Variants in ZNF461 observed in about 807,000 individuals in gnomAD.
The protein encoded by ZNF461 is gonadotropin-inducible ovarian transcription factor-1.
A neutral mutation model predicts 18.3 loss-of-function variants in ZNF461; 16 were observed. That is an observed-to-expected ratio of 0.88 (90% CI 0.59 to 1.33). The LOEUF (loss-of-function observed/expected upper bound fraction) is 1.33, where lower values mean the gene tolerates loss of function less well. Ranked by LOEUF, ZNF461 falls within the 40% of genes most tolerant of loss-of-function variation. The pLI is 0.00. For synonymous variants in ZNF461, 179 were observed against 216.9 expected, an observed-to-expected ratio of 0.83 and a Z score of 1.54; for missense variants, 595 against 669.9, an observed-to-expected ratio of 0.89 and a Z score of 1.23.
intron 4 of ZNF461, among the ~76,000 whole-genome samples, chr19:36,655,226 G>A (rs1014630950): frequency 3.9e-5 from 6 of 152,086 alleles, no homozygotes; most frequent in African/African-American, 1.4e-4. Flanking sequence ...AAACTCCTAA[G>A]CTCAAGTAAT....
In ZNF461 at chr19:36,662,127, C is replaced by T. The variant is rs143841812; in HGVS notation, c.9+2571G>A. Among the ~76,000 whole-genome samples, 77 of 152,236 alleles carry T rather than the reference C, an allele frequency of 5.1e-4. 2 individuals carry two copies. Among genetic ancestry groups the T allele is most frequent in the African/African-American group, 1.8e-3 (75 of 41,538 alleles). On this transcript the variant is annotated intron_variant, in intron 2 of 5. Transcript: ENST00000588268. Reference sequence around the variant, plus strand: ...CAGGTGATCCGCCCGCTTCAGCCTCCCAAAATGCAGGGATTACAGGCATGA... The same window carrying T: ...CAGGTGATCCGCCCGCTTCAGCCTCTCAAAATGCAGGGATTACAGGCATGA...
At chr19:36,664,593 CAA>C (rs560561888) in intron 2 of ZNF461, 103 bp downstream of exon 2, 2,748 of 655,580 alleles carry the variant, frequency 4.2e-3, no homozygotes, top group South Asian at 9.7e-3. Context: ...GGCTATGTCT[CAA>C]AAAAAAAAAA....
chr19:36,660,399 C>T (rs1217121792), intron 2 of ZNF461, among the ~76,000 whole-genome samples: 2 of 152,026 alleles, frequency 1.3e-5, no homozygotes, highest in African/African-American at 4.8e-5. Context: ...ATCCACCTGC[C>T]TCAGCCTCCC....
At position 36,639,846 on chromosome 19, in the gene ZNF461, T is replaced by A. The variant is rs765868153; in HGVS notation, c.499A>T (p.Ile167Phe). Residue 167 changes from isoleucine (I) to phenylalanine (F), a missense_variant, in exon 6 of 6, where the codon ATT (isoleucine) becomes TTT (phenylalanine). Coordinates refer to ENST00000588268, the MANE Select transcript of ZNF461 (RefSeq NM_153257.5). The part of the protein sequence containing the change: ...QEEGYFRQLM[I>F]NHENMPIFSQ... ...AAAATGGGCATGTTTTCATGGTTAA[T>A]CATAAGTTGTCTAAAATAACCCTCC... 8.7e-6 allele frequency: 14 copies of A among 1,613,932 alleles called. No homozygotes were observed. The highest frequency in any genetic ancestry group is 1.2e-5 in the Non-Finnish European group (14 of 1,179,844).
At chr19:36,662,405 C>T (rs937321222) in intron 2 of ZNF461, among the ~76,000 whole-genome samples, 1 of 151,806 alleles carries the variant, frequency 6.6e-6, no homozygotes, top group Non-Finnish European at 1.5e-5. Context: ...TACAGATGCG[C>T]ACCACGACAC....
At chr19:36,647,936 C>T (rs2070252990) in intron 4 of ZNF461, among the ~76,000 whole-genome samples, 1 of 151,918 alleles carries the variant, frequency 6.6e-6, no homozygotes, top group African/African-American at 2.4e-5. Context: ...AATCCCAGCA[C>T]TCTGGGAGGC....
chr19:36,643,531 T>A (rs1568646702), intron 5 of ZNF461: 1 of 228,940 alleles, frequency 4.4e-6, no homozygotes, highest in African/African-American at 2.3e-5. Context: ...GTCTATAAGG[T>A]CAAAGCTATT....
In ZNF461 at chr19:36,639,725, A is replaced by G; in HGVS notation, c.620T>C (p.Phe207Ser). ...AGAATGAGTTCTTTTGTGGTGACTA[A>G]AAAATAAATGGTAACTGAAGATTTT... ...CRKIFSYHLF[F>S]SHHKRTHSKE... Residue 207 changes from phenylalanine to serine, a missense_variant, in exon 6 of 6, where the codon TTT (phenylalanine) becomes TCT (serine). Phe to Ser is a radical substitution (Grantham distance 155). Transcript: ENST00000588268. 1.9e-6 allele frequency: 3 copies of G among 1,613,482 alleles called. No homozygotes were observed. The highest frequency in any genetic ancestry group is 2.5e-6 in the Non-Finnish European group (3 of 1,179,656).
At position 36,637,837 on chromosome 19, in the gene ZNF461, C is replaced by A; in HGVS notation, c.*816G>T. On this transcript the variant is annotated 3_prime_UTR_variant, in exon 6 of 6. Transcript: ENST00000588268. ...AAAAGGAAACTGATAGCAGTTGTTG[C>A]ATCTGTGGAAAGTGAGTGGCTACAG... is the stretch of plus-strand genomic sequence containing the variant. 1 of 433,674 alleles carries A rather than the reference C, an allele frequency of 2.3e-6. No individual in the cohort carries two copies. Among genetic ancestry groups the A allele is most frequent in the Non-Finnish European group, 4.6e-6 (1 of 217,226 alleles). 26.9% of individuals were successfully genotyped at this position (433,674 alleles called of 1,614,324 possible).
intron 4 of ZNF461, among the ~76,000 whole-genome samples, chr19:36,644,832 A>G (rs1439090769): frequency 6.6e-6 from 1 of 150,772 alleles, no homozygotes; most frequent in Non-Finnish European, 1.5e-5. Flanking sequence ...CCTGGCCTCA[A>G]GTGATTTGCC....
chr19:36,653,732 G>C (rs2037667624), intron 4 of ZNF461, among the ~76,000 whole-genome samples: 1 of 152,076 alleles, frequency 6.6e-6, no homozygotes, highest in South Asian at 2.1e-4. Flanking sequence ...TTCCCACCTG[G>C]TCCCTCCCAC....
intron 2 of ZNF461, 99 bp from the exon 3 acceptor site, chr19:36,658,524 G>A: frequency 8.1e-7 from 1 of 1,233,408 alleles, no homozygotes; most frequent in Non-Finnish European, 1.1e-6. Context: ...GAAGGAGACA[G>A]TCTACTGAAT....
chr19:36,639,469 T>C lies in ZNF461; in HGVS notation c.876A>G (p.Gln292=). 2 of 1,613,190 alleles carry C rather than the reference T, an allele frequency of 1.2e-6. No homozygotes were observed. Among genetic ancestry groups the C allele is most frequent in the East Asian group, 2.2e-5 (1 of 44,734 alleles). ...AAGGTTTCTCACCAGTGTGAATTCT[T>C]TGATGTAGAGTAAGTTCTGAGCCAT... ...FNYGSELTLH[Q]RIHTGEKPYE... Residue 292 remains glutamine, a synonymous_variant, in exon 6 of 6, where the codon CAA becomes CAG. Coordinates refer to ENST00000588268, the MANE Select transcript of ZNF461 (RefSeq NM_153257.5).
At chr19:36,664,665 A>G (rs2037873976) in intron 2 of ZNF461, 33 bp downstream of exon 2, 2 of 1,504,224 alleles carry the variant, frequency 1.3e-6, no homozygotes, top group Non-Finnish European at 1.8e-6. Flanking sequence ...AAAATCAAGT[A>G]TTGTAATTAG....
chr19:36,662,886 A>T (rs1309250997), intron 2 of ZNF461, among the ~76,000 whole-genome samples: 1 of 152,134 alleles, frequency 6.6e-6, no homozygotes, highest in Non-Finnish European at 1.5e-5. Flanking sequence ...TAATATATAT[A>T]TCAATAATAT....
At chr19:36,641,818 T>C (rs1458359432) in intron 5 of ZNF461, among the ~76,000 whole-genome samples, 1 of 152,108 alleles carries the variant, frequency 6.6e-6, no homozygotes, top group Non-Finnish European at 1.5e-5. Context: ...ATTTTATATA[T>C]AAACACATAC....
chr19:36,652,437 G>A (rs763644135), intron 4 of ZNF461, among the ~76,000 whole-genome samples: 2 of 149,286 alleles, frequency 1.3e-5, no homozygotes, highest in African/African-American at 2.5e-5. Context: ...GGAGGTGGAC[G>A]TTGCAGTGAG....
At chr19:36,659,459 G>A (rs894359171) in intron 2 of ZNF461, among the ~76,000 whole-genome samples, 1 of 152,178 alleles carries the variant, frequency 6.6e-6, no homozygotes, top group South Asian at 2.1e-4. Context: ...ATTTTTAAGA[G>A]ACAGGGTCTC....
At chr19:36,652,299 C>T (rs2037640266) in intron 4 of ZNF461, among the ~76,000 whole-genome samples, 1 of 151,254 alleles carries the variant, frequency 6.6e-6, no homozygotes. Flanking sequence ...CGAGACCAGC[C>T]TGGCCAACAT....
Sources: allele counts gnomAD v4.1 joint callset (sites outside exome capture counted in the v4.1 genomes callset), GRCh38; gene constraint gnomAD v4.1.1; transcripts MANE v1.5; gene names NCBI Gene and HGNC (gene_info 2026-07-23, HGNC 2026-07-21).